Variants in TSPAN4 observed in about 807,000 individuals in gnomAD.
The protein encoded by TSPAN4 is tetraspanin-4.
TSPAN4 carries 38 observed loss-of-function variants against 31.5 expected under a neutral mutation model. The ratio of observed to expected loss-of-function variants is 1.21; its 90% confidence interval spans 0.93 to 1.58. The LOEUF is 1.58. Ranked by LOEUF, TSPAN4 falls within the 40% of genes most tolerant of loss-of-function variation. The pLI, the probability that TSPAN4 is intolerant of heterozygous loss-of-function variation, is 0.00. For missense variants in TSPAN4, 330 were observed against 317.3 expected (o/e 1.04, Z -0.30); for synonymous variants, 186 against 144.6 (o/e 1.29, Z -2.06).
chr11:849,905 T>TGCCACCGCGGGG (rs1359223686), intron 2 of TSPAN4: 2 of 147,580 alleles, frequency 1.4e-5, no homozygotes, highest in Non-Finnish European at 3.0e-5. Flanking sequence ...CGCGACCCGC[T>TGCCACCGCGGGG]GCCACCGCGG....
At chr11:866,225 G>A (rs572171791) in intron 8 of TSPAN4, among the ~76,000 whole-genome samples, 21 of 152,238 alleles carry the variant, frequency 1.4e-4, no homozygotes, top group Non-Finnish European at 2.9e-4. Flanking sequence ...GGAGGCCGGT[G>A]GTCGTCCATG....
chr11:859,276 CGCACCTTGGCTCACGT>C (rs1161533883), intron 3 of TSPAN4, among the ~76,000 whole-genome samples: 1 of 112,532 alleles, frequency 8.9e-6, no homozygotes, highest in Non-Finnish European at 1.8e-5. Flanking sequence ...CTGGCCCACA[CGCACCTTGGCTCACGT>C]GCACCCCGGC....
At position 862,762 on chromosome 11, in the gene TSPAN4, G is replaced by A. The variant is rs371673324; in HGVS notation, c.255+21G>A. On this transcript the variant is annotated intron_variant, in intron 4 of 8. Coordinates refer to ENST00000397397, the MANE Select transcript of TSPAN4 (RefSeq NM_003271.5). ...TCACTGTGAGTGCCGGGGCCCAAGC[G>A]ATGCTCCGGGTGGGACCACGCAGGG... The A allele has an allele frequency of 3.1e-5, 50 of 1,597,220 alleles. No individual in the cohort carries two copies. The African/African-American group carries it at 5.8e-4, about 18-fold the overall frequency.
chr11:861,120 A>C (rs1394170670), intron 3 of TSPAN4, among the ~76,000 whole-genome samples: 1 of 152,156 alleles, frequency 6.6e-6, no homozygotes, highest in Non-Finnish European at 1.5e-5. Context: ...CCAGCAGCCT[A>C]GCACCCTCTC....
chr11:854,752 C>T (rs1003722319), intron 3 of TSPAN4, among the ~76,000 whole-genome samples: 3 of 152,188 alleles, frequency 2.0e-5, no homozygotes, highest in East Asian at 1.9e-4. Context: ...GGGGGCCAGC[C>T]TTGGCTTCCC....
chr11:865,418 C>A, intron 5 of TSPAN4, 95 bp from the exon 6 acceptor site: 1 of 971,438 alleles, frequency 1.0e-6, no homozygotes, highest in Non-Finnish European at 1.6e-6. Flanking sequence ...AGACCAGGCG[C>A]AGGAGGGGCC....
At chr11:865,201 C>A in intron 5 of TSPAN4, 1 of 366,128 alleles carries the variant, frequency 2.7e-6, no homozygotes, top group Non-Finnish European at 5.1e-6. Context: ...GCTCATAGCC[C>A]CTGGCTTTCA....
intron 5 of TSPAN4, 117 bp from the exon 6 acceptor site, chr11:865,396 G>A (rs575664995): frequency 6.7e-5 from 51 of 766,350 alleles, no homozygotes; most frequent in African/African-American, 1.2e-4. Flanking sequence ...GCTAGGAGGC[G>A]CGGGGGACAC....
In TSPAN4 at chr11:865,687, C is replaced by A; in HGVS notation, c.433-7C>A. 1.2e-6 allele frequency: 2 copies of A among 1,613,198 alleles called. No individual in the cohort carries two copies. The highest frequency in any genetic ancestry group is 1.7e-6 in the Non-Finnish European group (2 of 1,179,882). On this transcript the variant is annotated splice_region_variant and splice_polypyrimidine_tract_variant and intron_variant, in intron 6 of 8. Transcript: ENST00000397397. ...CTGCCTCAGCCCGACCTGAGCTTGC[C>A]CCCCAGTTCCGCTGCTGTGGCGTCT...
chr11:844,394 T>G (rs1299063009), intron 1 of TSPAN4: 1 of 152,218 alleles, frequency 6.6e-6, no homozygotes. Flanking sequence ...GAATTCCGAG[T>G]GTGTGCGCTT....
Position 866,821 on chromosome 11 carries a change from C to A in TSPAN4, c.*191C>A, listed in dbSNP as rs540056018. ...CTCAGGTGGCTTCAGGGCCTCCGGA[C>A]CCCCCCTGGGAGGGGTGGCCACGTG... On this transcript the variant is annotated 3_prime_UTR_variant, in exon 9 of 9. Transcript: ENST00000397397. The A allele has an allele frequency of 6.8e-6, 4 of 588,198 alleles. No individual in the cohort carries two copies. The East Asian group carries it at 9.4e-5, about 14-fold the overall frequency. The allele number at this position is 588,198 out of a possible 1,614,324, so 36.4% of individuals were successfully genotyped here.
intron 5 of TSPAN4, chr11:865,239 C>G: frequency 2.1e-6 from 1 of 479,376 alleles, no homozygotes; most frequent in Non-Finnish European, 3.8e-6. Context: ...GCACGTGTCC[C>G]GATACGTGGA....
At position 861,237 on chromosome 11, in the gene TSPAN4, A is replaced by G. The variant is rs993870354; in HGVS notation, c.64-1313A>G. Among the ~76,000 whole-genome samples, 4 of 152,366 alleles carry G rather than the reference A, an allele frequency of 2.6e-5. No homozygotes were observed. The South Asian group carries it at 8.3e-4, about 32-fold the overall frequency. ...AGTAAGAGCTCTGGCGGTTACAGAC[A>G]CTGCAGGAGGTGGCCCTCCGGGTGG... On this transcript the variant is annotated intron_variant, in intron 3 of 8. Coordinates refer to ENST00000397397, the MANE Select transcript of TSPAN4 (RefSeq NM_003271.5).
chr11:849,839 C>G (rs1359151349), intron 2 of TSPAN4: 1 of 146,954 alleles, frequency 6.8e-6, no homozygotes, highest in African/African-American at 2.5e-5. Flanking sequence ...GCGGGGGCCG[C>G]AGCGCGCGGG....
rs1384816819 is a variant in TSPAN4 at position 848,922 on chromosome 11, C to T, written c.-17-1366C>T. The T allele has an allele frequency of 5.6e-6, 4 of 713,648 alleles. No individual in the cohort carries two copies. The highest frequency in any genetic ancestry group is 2.7e-5 in the East Asian group (1 of 37,028). 44.2% of individuals were successfully genotyped at this position (713,648 alleles called of 1,614,324 possible). A position where few individuals can be genotyped will look rare whatever the true frequency, so the allele number is the denominator to read the frequency against. Reference sequence around the variant, plus strand: ...ACACCCAGGAGTGCAGGCACATCTGCGCACGGGGCCGGTATGTCTGTACCT... The same window carrying T: ...ACACCCAGGAGTGCAGGCACATCTGTGCACGGGGCCGGTATGTCTGTACCT... On this transcript the variant is annotated intron_variant, in intron 2 of 8. Coordinates refer to ENST00000397397, the MANE Select transcript of TSPAN4 (RefSeq NM_003271.5). The surrounding 1 kb of genome is among the most constrained non-coding windows in gnomAD (Gnocchi z 5.7).
chr11:866,466 TCAGGGC>T (rs1313957907), intron 8 of TSPAN4, 90 bp from the exon 9 acceptor site: 35 of 1,179,940 alleles, frequency 3.0e-5, no homozygotes, highest in Middle Eastern at 2.1e-4. Flanking sequence ...GGGGTCGGGG[TCAGGGC>T]CAGGGCACCT....
intron 3 of TSPAN4, among the ~76,000 whole-genome samples, chr11:850,991 G>A (rs967512940): frequency 6.6e-6 from 1 of 152,270 alleles, no homozygotes; most frequent in Non-Finnish European, 1.5e-5. Flanking sequence ...CGGCAGCAGA[G>A]GCTTCCCTAA....
chr11:845,598 G>C (rs1847273998), intron 1 of TSPAN4, among the ~76,000 whole-genome samples: 1 of 152,072 alleles, frequency 6.6e-6, no homozygotes, highest in Non-Finnish European at 1.5e-5. Flanking sequence ...GGCCAGGGCT[G>C]TGGTGGGATG....
chr11:865,365 G>C (rs906539843), intron 5 of TSPAN4, 148 bp from the exon 6 acceptor site: 4 of 640,404 alleles, frequency 6.2e-6, no homozygotes, highest in African/African-American at 3.7e-5. Context: ...ACATGGGGCC[G>C]GTGTGTCTGC....
Sources: allele counts gnomAD v4.1 joint callset (sites outside exome capture counted in the v4.1 genomes callset), GRCh38; gene constraint gnomAD v4.1.1; non-coding constraint Gnocchi (gnomAD v3.1); transcripts MANE v1.5; gene names NCBI Gene and HGNC (gene_info 2026-07-23, HGNC 2026-07-21).